The following SNX4 variants were observed in gnomAD, a reference collection of about 807,000 sequenced individuals.
SNX4 encodes sorting nexin 4.
Under a neutral mutation model 70.8 loss-of-function variants are expected in SNX4, and 49 were observed. The ratio of observed to expected loss-of-function variants is 0.69; its 90% CI spans 0.55 to 0.88. The LOEUF (loss-of-function observed/expected upper bound fraction) is 0.88, where lower values mean the gene tolerates loss of function less well. SNX4 is among the 40% of genes least tolerant of loss of function. The probability of loss-of-function intolerance (pLI) is 0.00; values close to 1 mark genes in which losing one functional copy is unlikely to be tolerated. For synonymous variants in SNX4, 206 were observed against 183.8 expected, an observed-to-expected ratio of 1.12 and a Z score of -0.98; for missense variants, 528 against 544.8, an observed-to-expected ratio of 0.97 and a Z score of 0.31.
chr3:125,489,950 A>ACCCC (rs899921734), intron 5 of SNX4, among the ~76,000 whole-genome samples: 2 of 152,008 alleles, frequency 1.3e-5, no homozygotes, highest in Admixed American at 6.6e-5. Context: ...ACATGATGAA[A>ACCCC]CCCCCATCTC....
At chr3:125,486,128 C>T (rs1037879916) in intron 6 of SNX4, among the ~76,000 whole-genome samples, 25 of 152,142 alleles carry the variant, frequency 1.6e-4, no homozygotes, top group African/African-American at 5.3e-4. Flanking sequence ...CGTAAGCCAC[C>T]GCACCTGGCC....
chr3:125,458,092 C>T (rs1038984735), intron 10 of SNX4, among the ~76,000 whole-genome samples: 32 of 151,730 alleles, frequency 2.1e-4, no homozygotes, highest in African/African-American at 7.5e-4. Flanking sequence ...GCTGTAATCT[C>T]ACATAGCAAC....
At chr3:125,454,667 G>A (rs1216200798) in intron 11 of SNX4, among the ~76,000 whole-genome samples, 1 of 152,124 alleles carries the variant, frequency 6.6e-6, no homozygotes, top group African/African-American at 2.4e-5. Context: ...AGATACTGAG[G>A]GATGACTGCA....
intron 8 of SNX4, among the ~76,000 whole-genome samples, chr3:125,471,716 A>G (rs545757295): frequency 2.2e-4 from 33 of 152,140 alleles, no homozygotes; most frequent in Admixed American, 7.2e-4. Flanking sequence ...GGTACTTAAA[A>G]CTCTTTCCTC....
At chr3:125,449,558 A>G (rs1007826941) in intron 13 of SNX4, among the ~76,000 whole-genome samples, 1 of 152,208 alleles carries the variant, frequency 6.6e-6, no homozygotes, top group Non-Finnish European at 1.5e-5. Context: ...TATATCACTT[A>G]GGCAAGAAAA....
chr3:125,480,867 C>A lies in SNX4; in HGVS notation c.654-548G>T, dbSNP rs367990949. Among the ~76,000 whole-genome samples, 7 of 152,294 alleles carry A rather than the reference C, an allele frequency of 4.6e-5. 1 individual carries two copies. Among genetic ancestry groups the A allele is most frequent in the Admixed American group, 6.5e-5 (1 of 15,294 alleles). ...CTTACACACTTCCCCATATCTACAT[C>A]ATTTTTTCCCTCCCACTAGGATTTC... is the stretch of plus-strand genomic sequence containing the variant. On this transcript the variant is annotated intron_variant, in intron 6 of 13. Transcript: ENST00000251775.
At chr3:125,500,028 C>T (rs1934889269) in intron 2 of SNX4, among the ~76,000 whole-genome samples, 1 of 152,074 alleles carries the variant, frequency 6.6e-6, no homozygotes, top group South Asian at 2.1e-4. Flanking sequence ...CCAACGCACT[C>T]CAGCCTGGGC....
chr3:125,470,909 A>C (rs73859195), intron 8 of SNX4, among the ~76,000 whole-genome samples: 2,042 of 152,288 alleles, frequency 0.013, 39 homozygotes, highest in African/African-American at 0.039. Context: ...AAGAACAGAC[A>C]CTCAGGCCCA....
Position 125,495,277 on chromosome 3 carries a change from T to TATATATATATATATATACACACAC in SNX4, c.597+2063_597+2064insGTGTGTGTATATATATATATATAT. On this transcript the variant is annotated intron_variant, in intron 5 of 13. Transcript: ENST00000251775. The stretch of plus-strand genomic sequence containing the variant: ...ATATATATATATATATATATATATA[T>TATATATATATATATATACACACAC]ACACATACACACACACACACGTATG... 9.0e-5 allele frequency among the ~76,000 whole-genome samples: 9 copies of TATATATATATATATATACACACAC among 99,610 alleles called. 1 individual carries two copies. In the Admixed American group the frequency reaches 1.1e-3, roughly 12 times the overall value. 65.3% of individuals were successfully genotyped at this position (99,610 alleles called of 152,430 possible).
intron 5 of SNX4, among the ~76,000 whole-genome samples, chr3:125,492,858 CCTAA>C (rs1191183439): frequency 1.3e-5 from 2 of 152,094 alleles, no homozygotes; most frequent in Non-Finnish European, 2.9e-5. Context: ...TAACAGAGAT[CCTAA>C]CTAAGGGCCC....
rs536956489 is a variant in SNX4, at chr3:125,495,091, G to C, written c.597+2250C>G. 2.4e-4 allele frequency among the ~76,000 whole-genome samples: 36 copies of C among 151,718 alleles called. 2 individuals carry two copies. The South Asian group carries it at 7.1e-3, about 30-fold the overall frequency. On this transcript the variant is annotated intron_variant, in intron 5 of 13. Coordinates refer to ENST00000251775, the MANE Select transcript of SNX4 (RefSeq NM_003794.4). ...ATGGGTCTGCTACAGGAAGACCAAAGTATAGTAGTAAAGTATAGCAGGAAG... is the reference window on the plus strand; with the variant it reads ...ATGGGTCTGCTACAGGAAGACCAAACTATAGTAGTAAAGTATAGCAGGAAG...
chr3:125,500,445 C>T (rs116056315), intron 2 of SNX4, among the ~76,000 whole-genome samples: 1 of 152,034 alleles, frequency 6.6e-6, no homozygotes, highest in Admixed American at 6.6e-5. Flanking sequence ...TCAATCTTAG[C>T]CCACTAAACT....
chr3:125,499,522 T>A (rs977961898), intron 2 of SNX4, among the ~76,000 whole-genome samples: 3 of 151,994 alleles, frequency 2.0e-5, no homozygotes, highest in African/African-American at 4.8e-5. Flanking sequence ...ATGGCTCCCA[T>A]GGCAAAAAAA....
At chr3:125,504,476 C>T (rs1935004526) in intron 2 of SNX4, 147 bp downstream of exon 2, 2 of 726,728 alleles carry the variant, frequency 2.8e-6, no homozygotes, top group African/African-American at 1.8e-5. Context: ...AGAATGAGAC[C>T]CTGTCTCAAA....
At chr3:125,486,620 C>T (rs11914835) in intron 6 of SNX4, among the ~76,000 whole-genome samples, 43,215 of 151,852 alleles carry the variant, frequency 0.28, 6,223 homozygotes, top group Admixed American at 0.34. Context: ...AGAGAGACTC[C>T]GTCTCAAAAA....
At chr3:125,467,980 G>A (rs532194658) in intron 9 of SNX4, among the ~76,000 whole-genome samples, 1 of 152,228 alleles carries the variant, frequency 6.6e-6, no homozygotes, top group South Asian at 2.1e-4. Flanking sequence ...GCGAAGACAT[G>A]GAATCAACCT....
At chr3:125,484,579 C>T (rs1934481744) in intron 6 of SNX4, among the ~76,000 whole-genome samples, 1 of 152,056 alleles carries the variant, frequency 6.6e-6, no homozygotes, top group African/African-American at 2.4e-5. Context: ...CTTTAACATA[C>T]TTTTAGTAAG....
chr3:125,515,442 A>C (rs186461779), intron 1 of SNX4, among the ~76,000 whole-genome samples: 130 of 151,786 alleles, frequency 8.6e-4, no homozygotes, highest in African/African-American at 3.0e-3. Flanking sequence ...TGGGAGGATC[A>C]CTGGAGCCCA....
In SNX4 at chr3:125,504,669, C is replaced by G. The variant is rs200302804; in HGVS notation, c.217G>C (p.Ala73Pro). 1 of 1,613,988 alleles carries G rather than the reference C, an allele frequency of 6.2e-7. No individual in the cohort carries two copies. Among genetic ancestry groups the G allele is most frequent in the African/African-American group, 1.3e-5 (1 of 75,032 alleles). ...GTATATGTTTCTTGCATGTTCATGG[C>G]ATTTCTTCCAGTTCGTTTTTCTGCT... ...SEAEKRTGRN[A>P]MNMQETYTAY... The change falls in exon 2 of 14, where the codon GCC (alanine) becomes CCC (proline). Residue 73 changes from alanine to proline, a missense_variant. Physicochemically the swap from Ala to Pro is conservative, Grantham distance 27. This residue lies in a region of SNX4 where 341 missense variants were observed against 312.2 expected (regional missense o/e 1.09). Coordinates refer to ENST00000251775, the MANE Select transcript of SNX4 (RefSeq NM_003794.4).
Sources: gnomAD v4.1 joint callset for allele counts (sites outside exome capture counted in the v4.1 genomes callset) on GRCh38, gnomAD v4.1.1 for gene constraint, gnomAD v4.1.1 regional missense constraint, MANE v1.5 for transcripts, NCBI Gene and HGNC (gene_info 2026-07-23, HGNC 2026-07-21) for gene names.